Variants in TRDN observed in about 807,000 individuals in gnomAD.
TRDN encodes the protein triadin.
A neutral mutation model predicts 149.7 loss-of-function variants in TRDN; 161 were observed. The observed-to-expected ratio is 1.08, with a 90% confidence interval of 0.95 to 1.23. The LOEUF (loss-of-function observed/expected upper bound fraction) is 1.23, where lower values mean the gene tolerates loss of function less well. TRDN is among the 50% of genes most tolerant of loss of function. TRDN has a pLI of 0.00. For synonymous variants in TRDN, 294 were observed against 250.5 expected, an observed-to-expected ratio of 1.17 and a Z score of -1.64; for missense variants, 896 against 823.5, an observed-to-expected ratio of 1.09 and a Z score of -1.08.
At chr6:123,393,776 A>G in intron 12 of TRDN, 99 bp from the exon 13 acceptor site, 2 of 1,184,344 alleles carry the variant, frequency 1.7e-6, no homozygotes, top group Non-Finnish European at 2.4e-6. Flanking sequence ...CGAGCATAAA[A>G]AGTGTTGCTT....
chr6:123,522,874 G>A (rs933271141), intron 5 of TRDN, among the ~76,000 whole-genome samples: 2 of 152,106 alleles, frequency 1.3e-5, no homozygotes, highest in Non-Finnish European at 2.9e-5. Context: ...TTTGATATAA[G>A]CATACAAATT....
chr6:123,272,270 T>C (rs1355851367), intron 29 of TRDN, among the ~76,000 whole-genome samples: 1 of 151,966 alleles, frequency 6.6e-6, no homozygotes, highest in Non-Finnish European at 1.5e-5. Context: ...TATTCACAAA[T>C]TGGGTACATA....
chr6:123,634,873 A>G (rs571437865), intron 1 of TRDN, among the ~76,000 whole-genome samples: 2 of 152,088 alleles, frequency 1.3e-5, no homozygotes, highest in African/African-American at 4.8e-5. Flanking sequence ...CTACTTTTTA[A>G]TTTTATTACT....
chr6:123,545,372 TA>T (rs1356599826), intron 4 of TRDN, among the ~76,000 whole-genome samples: 1 of 151,908 alleles, frequency 6.6e-6, no homozygotes, highest in Non-Finnish European at 1.5e-5. Flanking sequence ...AAATGTTTTA[TA>T]AAATATTACC....
intron 20 of TRDN, among the ~76,000 whole-genome samples, chr6:123,365,905 T>C (rs555980257): frequency 6.6e-6 from 1 of 152,294 alleles, no homozygotes; most frequent in East Asian, 1.9e-4. Flanking sequence ...CAAAATTAAC[T>C]TGCAATTTGA....
At chr6:123,411,049 CT>C (rs34482163) in intron 12 of TRDN, among the ~76,000 whole-genome samples, 107,747 of 126,380 alleles carry the variant, frequency 0.85, 45,653 homozygotes, top group East Asian at 0.98. Flanking sequence ...AACTTTCTTT[CT>C]TTTTTTTTTT....
intron 9 of TRDN, among the ~76,000 whole-genome samples, chr6:123,493,462 G>A (rs562055821): frequency 1.4e-4 from 21 of 152,080 alleles, no homozygotes; most frequent in Non-Finnish European, 2.2e-4. Flanking sequence ...CATTTTATTT[G>A]ATGGGATAAA....
At chr6:123,438,324 A>ATTTTTTTTTT (rs146284588) in intron 11 of TRDN, among the ~76,000 whole-genome samples, 1 of 151,200 alleles carries the variant, frequency 6.6e-6, no homozygotes. Context: ...AGGAAACAGA[A>ATTTTTTTTTT]CTTTTTTTTT....
chr6:123,246,209 C>G (rs752217724), intron 38 of TRDN, among the ~76,000 whole-genome samples: 3 of 152,102 alleles, frequency 2.0e-5, no homozygotes, highest in Non-Finnish European at 4.4e-5. Context: ...AATTCAAAAT[C>G]TAGCAGAAGA....
intron 39 of TRDN, among the ~76,000 whole-genome samples, chr6:123,222,608 C>T (rs1412289373): frequency 6.6e-6 from 1 of 151,748 alleles, no homozygotes; most frequent in African/African-American, 2.4e-5. Context: ...CTATTTTCCA[C>T]ATTGTTGGTT....
chr6:123,334,094 G>T (rs1779772017), intron 22 of TRDN, among the ~76,000 whole-genome samples: 3 of 152,004 alleles, frequency 2.0e-5, no homozygotes, highest in African/African-American at 7.2e-5. Flanking sequence ...CAGCATGGCT[G>T]GGGAGGAGTT....
At chr6:123,376,059 C>T (rs191473113) in intron 18 of TRDN, among the ~76,000 whole-genome samples, 32 of 152,174 alleles carry the variant, frequency 2.1e-4, no homozygotes, top group African/African-American at 7.7e-4. Flanking sequence ...TGCTAAGTTG[C>T]TGCATTGTAA....
intron 38 of TRDN, among the ~76,000 whole-genome samples, chr6:123,239,276 T>G (rs1208885948): frequency 6.6e-6 from 1 of 152,210 alleles, no homozygotes; most frequent in Non-Finnish European, 1.5e-5. Context: ...AAAAATTGAT[T>G]AAACTACAGG....
At chr6:123,421,775 C>T (rs934744698) in intron 12 of TRDN, 1 of 136,900 alleles carries the variant, frequency 7.3e-6, no homozygotes, top group Non-Finnish European at 1.5e-5. Context: ...TTGATACCAG[C>T]CTGGTCAACA....
intron 9 of TRDN, among the ~76,000 whole-genome samples, chr6:123,466,124 C>T (rs1017030996): frequency 5.9e-5 from 9 of 152,016 alleles, no homozygotes; most frequent in Non-Finnish European, 1.0e-4. Context: ...ACTTACAGGC[C>T]GTATGTCTAG....
intron 2 of TRDN, among the ~76,000 whole-genome samples, chr6:123,558,178 C>T (rs1238817143): frequency 6.6e-6 from 1 of 152,044 alleles, no homozygotes; most frequent in African/African-American, 2.4e-5. Flanking sequence ...CCCAAACTTC[C>T]TTCTTTCCCT....
At chr6:123,302,634 C>G (rs1001370301) in intron 24 of TRDN, among the ~76,000 whole-genome samples, 1 of 151,838 alleles carries the variant, frequency 6.6e-6, no homozygotes, top group Non-Finnish European at 1.5e-5. Flanking sequence ...ACTGAAAAGT[C>G]AAAAAAATAG....
intron 1 of TRDN, among the ~76,000 whole-genome samples, chr6:123,627,091 G>C (rs1785713690): frequency 6.6e-6 from 1 of 151,824 alleles, no homozygotes; most frequent in Non-Finnish European, 1.5e-5. Context: ...ACCACGCCCA[G>C]CTGATTTTTT....
intron 12 of TRDN, among the ~76,000 whole-genome samples, chr6:123,414,592 A>G (rs552199177): frequency 6.6e-6 from 1 of 152,226 alleles, no homozygotes; most frequent in East Asian, 1.9e-4. Context: ...ATATATGTGT[A>G]ATAATAAAGA....
Sources: allele counts gnomAD v4.1 joint callset (sites outside exome capture counted in the v4.1 genomes callset), GRCh38; gene constraint gnomAD v4.1.1; transcripts MANE v1.5; gene names NCBI Gene and HGNC (gene_info 2026-07-23, HGNC 2026-07-21).